ARID2: variants seen among roughly 807,000 people sequenced by gnomAD.
ARID2 encodes the protein AT-rich interaction domain 2, also known as AT-rich interactive domain-containing protein 2.
A neutral mutation model predicts 184.6 loss-of-function variants in ARID2; 32 were observed. The ratio of observed to expected loss-of-function variants is 0.17; its 90% CI spans 0.13 to 0.23. The LOEUF is 0.23. ARID2 is among the 10% of genes least tolerant of loss of function. The pLI, the probability that ARID2 is intolerant of heterozygous loss-of-function variation, is 1.00. For missense variants in ARID2, 1,696 were observed against 2,197.6 expected (o/e 0.77, Z 4.56); for synonymous variants, 836 against 772.6 (o/e 1.08, Z -1.36).
At chr12:45,831,202 C>T (rs553211995) in intron 6 of ARID2, among the ~76,000 whole-genome samples, 29 of 152,060 alleles carry the variant, frequency 1.9e-4, no homozygotes, top group African/African-American at 6.3e-4. Flanking sequence ...GGTGCTTACA[C>T]GATTGATTGT....
intron 5 of ARID2, among the ~76,000 whole-genome samples, chr12:45,819,296 G>A (rs1942856214): frequency 6.6e-6 from 1 of 152,074 alleles, no homozygotes; most frequent in South Asian, 2.1e-4. Context: ...CAGGCATTTT[G>A]TTTGTTTAAA....
intron 3 of ARID2, among the ~76,000 whole-genome samples, chr12:45,806,207 T>C (rs1271929562): frequency 2.0e-5 from 3 of 152,152 alleles, no homozygotes; most frequent in Non-Finnish European, 4.4e-5. Context: ...TGTGTAATTT[T>C]TTTTTTTTGG....
chr12:45,853,753 C>T (rs1164537189), intron 15 of ARID2, among the ~76,000 whole-genome samples: 1 of 152,244 alleles, frequency 6.6e-6, no homozygotes, highest in African/African-American at 2.4e-5. Context: ...TCTGCTGACA[C>T]AGTTCTGGCT....
chr12:45,855,622 T>C (rs1943633635), intron 15 of ARID2, among the ~76,000 whole-genome samples: 1 of 152,254 alleles, frequency 6.6e-6, no homozygotes, highest in South Asian at 2.1e-4. Context: ...GATGGCGTTA[T>C]AAGTTTCTTT....
chr12:45,742,790 A>G (rs561254642), intron 3 of ARID2, among the ~76,000 whole-genome samples: 1 of 152,192 alleles, frequency 6.6e-6, no homozygotes, highest in Admixed American at 6.5e-5. Flanking sequence ...AGATTGTTGC[A>G]GCTGTGTCTT....
At position 45,817,875 on chromosome 12, in the gene ARID2, G is replaced by T. The variant is rs751376039; in HGVS notation, c.624G>T (p.Gly208=). Residue 208 remains glycine, a synonymous_variant, in exon 5 of 21, where the codon GGG becomes GGT. Transcript: ENST00000334344. ...KIITLLLANA[G]VFDDTLGSFS... Reference sequence around the variant, plus strand: ...TCACTTTACTACTTGCTAATGCCGGGGTGTTTGACGACAGTAAGTTTTAAG... The same window carrying T: ...TCACTTTACTACTTGCTAATGCCGGTGTGTTTGACGACAGTAAGTTTTAAG... The T allele has an allele frequency of 2.5e-6, 4 of 1,610,630 alleles. No homozygotes were observed. In the South Asian group the frequency reaches 4.4e-5, roughly 18 times the overall value.
chr12:45,807,634 A>T (rs538180770), intron 3 of ARID2, among the ~76,000 whole-genome samples: 14 of 152,206 alleles, frequency 9.2e-5, no homozygotes, highest in Non-Finnish European at 1.8e-4. Flanking sequence ...CAAGAATTTG[A>T]TTTCTTCTAA....
At chr12:45,809,916 G>C (rs950886387) in intron 3 of ARID2, among the ~76,000 whole-genome samples, 1 of 151,818 alleles carries the variant, frequency 6.6e-6, no homozygotes, top group Admixed American at 6.6e-5. Context: ...GAAATTTAAG[G>C]TTTGGTACTA....
At chr12:45,887,928 G>A (rs1944222282) in intron 16 of ARID2, among the ~76,000 whole-genome samples, 1 of 152,186 alleles carries the variant, frequency 6.6e-6, no homozygotes, top group Admixed American at 6.5e-5. Flanking sequence ...AATAATGACT[G>A]AAGATCTAAT....
At chr12:45,804,573 G>T (rs777457967) in intron 3 of ARID2, among the ~76,000 whole-genome samples, 7 of 151,626 alleles carry the variant, frequency 4.6e-5, no homozygotes, top group Non-Finnish European at 1.0e-4. Context: ...ACTGGATTAC[G>T]ATTTTCAGCA....
intron 3 of ARID2, among the ~76,000 whole-genome samples, chr12:45,774,907 G>T (rs961512574): frequency 3.9e-5 from 6 of 152,094 alleles, no homozygotes; most frequent in Non-Finnish European, 8.8e-5. Context: ...CTCCATAAGG[G>T]GTAGTTTTGC....
intron 11 of ARID2, among the ~76,000 whole-genome samples, chr12:45,844,728 C>T (rs76877315): frequency 1.3e-5 from 2 of 152,130 alleles, no homozygotes; most frequent in African/African-American, 2.4e-5. Context: ...TAGCAACATA[C>T]GAGGTTAGTG....
intron 3 of ARID2, among the ~76,000 whole-genome samples, chr12:45,807,272 T>G (rs1942619498): frequency 6.6e-6 from 1 of 152,212 alleles, no homozygotes; most frequent in Non-Finnish European, 1.5e-5. Flanking sequence ...TCATCTTTTT[T>G]TGTAACATTT....
At position 45,891,886 on chromosome 12, in the gene ARID2, C is replaced by T. The variant is rs1368075571; in HGVS notation, c.5029C>T (p.Arg1677Ter). Reference sequence around the variant, plus strand: ...TTGGGAAGGTTGTGAGCCTTTTCAGCGACAGCGGTTTTCTTTTATTACCCA... The same window carrying T: ...TTGGGAAGGTTGTGAGCCTTTTCAGTGACAGCGGTTTTCTTTTATTACCCA... ...CLWEGCEPFQ[R>*]QRFSFITHLQ... Residue 1677 changes from arginine (R) to a stop codon, truncating the protein, a stop_gained, in exon 17 of 21, where the codon CGA (arginine) becomes TGA (stop). Transcript: ENST00000334344. LOFTEE classifies it high-confidence loss of function. The T allele has an allele frequency of 1.2e-6, 2 of 1,614,028 alleles. No individual in the cohort carries two copies. The highest frequency in any genetic ancestry group is 1.7e-6 in the Non-Finnish European group (2 of 1,180,008).
At chr12:45,885,819 C>T (rs561473478) in intron 16 of ARID2, among the ~76,000 whole-genome samples, 1 of 152,284 alleles carries the variant, frequency 6.6e-6, no homozygotes, top group South Asian at 2.1e-4. Context: ...CACTCAGTAT[C>T]ACAAGAACAG....
intron 20 of ARID2, among the ~76,000 whole-genome samples, chr12:45,896,865 A>G (rs1193634218): frequency 2.6e-5 from 4 of 152,214 alleles, no homozygotes; most frequent in Non-Finnish European, 4.4e-5. Context: ...CATTTTGAAG[A>G]TAAAACATTG....
intron 20 of ARID2, chr12:45,904,421 G>A (rs1278999917): frequency 1.3e-5 from 9 of 695,692 alleles, no homozygotes; most frequent in Non-Finnish European, 2.1e-5. Context: ...GGCTGGGCGC[G>A]GTGGCTCACG....
chr12:45,873,344 G>T (rs1393606107), intron 16 of ARID2, among the ~76,000 whole-genome samples: 9 of 152,030 alleles, frequency 5.9e-5, no homozygotes, highest in Non-Finnish European at 1.3e-4. Flanking sequence ...CATTTAATGT[G>T]ATTTTCACTG....
At chr12:45,752,883 G>A (rs1425508296) in intron 3 of ARID2, among the ~76,000 whole-genome samples, 4 of 152,234 alleles carry the variant, frequency 2.6e-5, no homozygotes, top group African/African-American at 7.2e-5. Context: ...CGGGGATACT[G>A]TTGTTCTGTA....
Sources: gnomAD v4.1 joint callset for allele counts (sites outside exome capture counted in the v4.1 genomes callset) on GRCh38, gnomAD v4.1.1 for gene constraint, MANE v1.5 for transcripts, NCBI Gene and HGNC (gene_info 2026-07-23, HGNC 2026-07-21) for gene names.